APC2: variants seen among roughly 807,000 people sequenced by gnomAD.
APC2 encodes the protein APC regulator of Wnt signaling pathway 2.
A neutral mutation model predicts 72.5 loss-of-function variants in APC2; 41 were observed. The ratio of observed to expected loss-of-function variants is 0.57; its 90% CI spans 0.44 to 0.73. The LOEUF is 0.73. Among genes scored for constraint, APC2 ranks in the 30% least tolerant of loss-of-function variants. APC2 has a pLI of 0.00. For missense variants in APC2, 3,729 were observed against 3,403.4 expected (o/e 1.10, Z -2.38); for synonymous variants, 1,898 against 1,612.0 (o/e 1.18, Z -4.25).
chr19:1,463,938 G>A (rs1184012782), intron 14 of APC2, among the ~76,000 whole-genome samples: 2 of 152,208 alleles, frequency 1.3e-5, no homozygotes, highest in East Asian at 3.8e-4. Context: ...ACTTTGGGAG[G>A]CCGAGGTGGG....
chr19:1,466,953 C>T lies in APC2; in HGVS notation c.3652C>T (p.Pro1218Ser), dbSNP rs2084027600. The T allele has an allele frequency of 4.4e-6, 7 of 1,603,268 alleles. No homozygotes were observed. The highest frequency in any genetic ancestry group is 6.0e-6 in the Non-Finnish European group (7 of 1,175,438). Residue 1218 changes from proline (P) to serine (S), a missense_variant, in exon 15 of 15, where the codon CCC (proline) becomes TCC (serine). Transcript: ENST00000590469. Reference protein sequence around the residue: ...PSRSKTPPLAPAPQGPPEATQ... With the variant: ...PSRSKTPPLASAPQGPPEATQ... ...CCGGAGCAAGACGCCACCGCTGGCGCCCGCGCCACAGGGTCCCCCCGAGGC... is the reference window on the plus strand; with the variant it reads ...CCGGAGCAAGACGCCACCGCTGGCGTCCGCGCCACAGGGTCCCCCCGAGGC...
Position 1,457,032 on chromosome 19 carries a change from C to T in APC2, c.996C>T (p.Ala332=). 2 of 1,527,708 alleles carry T rather than the reference C, an allele frequency of 1.3e-6. No homozygotes were observed. The highest frequency in any genetic ancestry group is 1.7e-6 in the Non-Finnish European group (2 of 1,143,914). 94.6% of individuals were successfully genotyped at this position (1,527,708 alleles called of 1,614,324 possible). ...CCGAGGCCGCGGCCGGGGGTCGCGC[C>T]GGGGCCCCAGGGGCACCGGGCGCCA... ...HGTEAAAGGR[A]GAPGAPGAKD... The change falls in exon 9 of 15, where the codon GCC becomes GCT. Residue 332 remains alanine, a synonymous_variant. Coordinates refer to ENST00000590469, the MANE Select transcript of APC2 (RefSeq NM_005883.3).
rs111572845 is a variant in APC2 at position 1,467,777 on chromosome 19, G to T, written c.4476G>T (p.Ala1492=). The T allele has an allele frequency of 1.4e-6, 2 of 1,432,898 alleles. No homozygotes were observed. The highest frequency in any genetic ancestry group is 1.8e-6 in the Non-Finnish European group (2 of 1,098,732). The allele number at this position is 1,432,898 out of a possible 1,614,324, so 88.8% of individuals were successfully genotyped here. The change falls in exon 15 of 15, where the codon GCG becomes GCT. Residue 1492 remains alanine, a synonymous_variant. Coordinates refer to ENST00000590469, the MANE Select transcript of APC2 (RefSeq NM_005883.3). ...SKPGRTRGDG[A]LQSLCLTTPT... ...CCGGCCGGACCCGCGGGGACGGGGC[G>T]CTCCAGTCGCTGTGCCTCACGACGC... is the stretch of plus-strand genomic sequence containing the variant.
chr19:1,455,144 C>T lies in APC2; in HGVS notation c.414-5C>T, dbSNP rs769584246. ...TGAGCCCGCCCCCGCTGACTTGCTC[C>T]CCAGGTGTTTCCTGCTGAATGAGAT... On this transcript the variant is annotated splice_region_variant and splice_polypyrimidine_tract_variant and intron_variant, in intron 4 of 14. Transcript: ENST00000590469. 1.9e-6 allele frequency: 3 copies of T among 1,566,470 alleles called. No homozygotes were observed. The highest frequency in any genetic ancestry group is 1.7e-6 in the Non-Finnish European group (2 of 1,165,200).
rs117475551 is a variant in APC2, at chr19:1,453,979, C to T, written c.413+368C>T. Among the ~76,000 whole-genome samples the T allele has an allele frequency of 4.6e-3, 698 of 152,286 alleles. 2 individuals are homozygous for T. Among genetic ancestry groups the T allele is most frequent in the Middle Eastern group, 0.01 (3 of 294 alleles). On this transcript the variant is annotated intron_variant, in intron 4 of 14. Coordinates refer to ENST00000590469, the MANE Select transcript of APC2 (RefSeq NM_005883.3). Reference sequence around the variant, plus strand: ...GCCTGGAGCCAGGCGGGCTCAAAGCCGTCTTTGTAGAGAGCTGTGGCCCAA... The same window carrying T: ...GCCTGGAGCCAGGCGGGCTCAAAGCTGTCTTTGTAGAGAGCTGTGGCCCAA...
At chr19:1,460,905 C>G in intron 12 of APC2, 48 bp downstream of exon 12, 3 of 1,605,610 alleles carry the variant, frequency 1.9e-6, no homozygotes, top group Admixed American at 3.3e-5. Context: ...CCCTGATAGG[C>G]AGAGGCCCCT....
rs760526553 is a variant in APC2 at position 1,456,270 on chromosome 19, G to C, written c.718-36G>C. 1.6e-5 allele frequency: 26 copies of C among 1,583,790 alleles called. No individual in the cohort carries two copies. The East Asian group carries it at 5.3e-4, about 32-fold the overall frequency. ...CACGGGTGAGCAGACTGGGTGCTCT[G>C]GGACTGTACCCCCGACCCTGGTGCT... On this transcript the variant is annotated intron_variant, in intron 7 of 14. Transcript: ENST00000590469.
In APC2 at chr19:1,467,613, G is replaced by A. The variant is rs986278369; in HGVS notation, c.4312G>A (p.Ala1438Thr). ...PTGRPTSARQ[A>T]MGHRHKAGGA... ...CGGCCGCCCCACCTCTGCCAGACAG[G>A]CCATGGGGCACCGGCACAAGGCGGG... Residue 1438 changes from alanine (A) to threonine (T), a missense_variant, in exon 15 of 15, where the codon GCC becomes ACC. Physicochemically the swap from Ala to Thr is moderately conservative, Grantham distance 58. Transcript: ENST00000590469. 4.7e-5 allele frequency: 71 copies of A among 1,498,956 alleles called. No individual in the cohort carries two copies. The highest frequency in any genetic ancestry group is 1.7e-4 in the Admixed American group (8 of 46,126). 92.9% of individuals were successfully genotyped at this position (1,498,956 alleles called of 1,614,324 possible).
At position 1,453,289 on chromosome 19, in the gene APC2, C is replaced by T. The variant is rs780984007; in HGVS notation, c.184C>T (p.Arg62Ter). 6 of 1,581,522 alleles carry T rather than the reference C, an allele frequency of 3.8e-6. No individual in the cohort carries two copies. The highest frequency in any genetic ancestry group is 5.2e-6 in the Non-Finnish European group (6 of 1,163,668). Residue 62 changes from arginine to a stop codon, truncating the protein, a stop_gained, in exon 3 of 15, where the codon CGA (arginine) becomes TGA (stop). Transcript: ENST00000590469. LOFTEE classifies it high-confidence loss of function. The part of the protein sequence containing the change: ...HLQGKLEQEA[R>*]VLVSSGQTEV... The stretch of plus-strand genomic sequence containing the variant: ...ACAGGGAAAACTGGAGCAGGAGGCC[C>T]GAGTGCTGGTGTCCTCGGGGCAGAC...
intron 7 of APC2, 25 bp from the exon 8 acceptor site, chr19:1,456,281 C>T (rs757367544): frequency 1.3e-6 from 2 of 1,594,404 alleles, no homozygotes; most frequent in South Asian, 2.3e-5. Context: ...GGACTGTACC[C>T]CCGACCCTGG....
Position 1,468,869 on chromosome 19 carries a change from C to G in APC2, c.5568C>G (p.Ser1856Arg). 3 of 1,542,384 alleles carry G rather than the reference C, an allele frequency of 1.9e-6. No individual in the cohort carries two copies. The highest frequency in any genetic ancestry group is 2.6e-6 in the Non-Finnish European group (3 of 1,151,754). The change falls in exon 15 of 15, where the codon AGC (serine) becomes AGG (arginine). Residue 1856 changes from serine to arginine, a missense_variant. Ser to Arg is a moderately radical substitution (Grantham distance 110). Transcript: ENST00000590469. ...AGACCTCGGAGCTGGCGACGCTGAGCCAGCCCCCCAGAAGCGCCACACCGC... is the reference window on the plus strand; with the variant it reads ...AGACCTCGGAGCTGGCGACGCTGAGGCAGCCCCCCAGAAGCGCCACACCGC... ...PAKTSELATL[S>R]QPPRSATPPA...
rs781332940 is a variant in APC2, at chr19:1,466,872, G to C, written c.3571G>C (p.Gly1191Arg). 1.3e-6 allele frequency: 2 copies of C among 1,565,562 alleles called. No homozygotes were observed. Among genetic ancestry groups the C allele is most frequent in the Non-Finnish European group, 1.7e-6 (2 of 1,156,580 alleles). Residue 1191 changes from glycine to arginine, a missense_variant, in exon 15 of 15, where the codon GGC becomes CGC. Transcript: ENST00000590469. ...TGAACCTTGCAGCGGGCAGGGCAGC[G>C]GCACCATCAGCCCTAGCGAGCTGCC... is the stretch of plus-strand genomic sequence containing the variant. ...PSEPCSGQGS[G>R]TISPSELPDS...
At position 1,455,388 on chromosome 19, in the gene APC2, T is replaced by C; in HGVS notation, c.527T>C (p.Phe176Ser). 1 of 1,608,880 alleles carries C rather than the reference T, an allele frequency of 6.2e-7. No homozygotes were observed. Residue 176 changes from phenylalanine (F) to serine (S), a missense_variant, in exon 6 of 15, where the codon TTC becomes TCC. Coordinates refer to ENST00000590469, the MANE Select transcript of APC2 (RefSeq NM_005883.3). ...LDELPHVETQ[F>S]SMQMDLIRQQ... ...CCGCCCGCCTGCCTTTGCCAGCAGT[T>C]CTCGATGCAGATGGACCTGATCCGG... is the stretch of plus-strand genomic sequence containing the variant.
upstream of APC2, chr19:1,450,117 G>T (rs2083725479): frequency 2.0e-6 from 2 of 983,976 alleles, no homozygotes; most frequent in Non-Finnish European, 2.4e-6. Context: ...ATCCTCCCCC[G>T]CTCGCGGTGG....
chr19:1,455,614 C>G, intron 6 of APC2, 114 bp downstream of exon 6: 1 of 1,058,528 alleles, frequency 9.4e-7, no homozygotes, highest in African/African-American at 1.6e-5. Context: ...CTTATGCCTC[C>G]TGGGTTGGGG....
intron 10 of APC2, 68 bp from the exon 11 acceptor site, chr19:1,460,113 T>A: frequency 1.9e-6 from 3 of 1,600,678 alleles, no homozygotes; most frequent in Non-Finnish European, 2.6e-6. Flanking sequence ...GGCAAGGGAG[T>A]GAGGTGGGGC....
chr19:1,460,236 G>C lies in APC2; in HGVS notation c.1359G>C (p.Met453Ile). 6.2e-7 allele frequency: 1 copy of C among 1,613,560 alleles called. No individual in the cohort carries two copies. The highest frequency in any genetic ancestry group is 8.5e-7 in the Non-Finnish European group (1 of 1,180,010). The change falls in exon 11 of 15, where the codon ATG (methionine) becomes ATC (isoleucine). Residue 453 changes from methionine to isoleucine, a missense_variant. By Grantham distance (10) the Met-to-Ile change is conservative (BLOSUM62 1). Coordinates refer to ENST00000590469, the MANE Select transcript of APC2 (RefSeq NM_005883.3). Reference protein sequence around the residue: ...LLQVDYEMHKMTRDPLNLALR... With the variant: ...LLQVDYEMHKITRDPLNLALR... ...AGGTTGACTATGAGATGCACAAGAT[G>C]ACCCGGGACCCGCTGAACCTGGCGC...
In APC2 at chr19:1,466,097, C is replaced by T. The variant is rs772655197; in HGVS notation, c.2796C>T (p.Ala932=). 4.5e-6 allele frequency: 7 copies of T among 1,540,318 alleles called. No homozygotes were observed. The highest frequency in any genetic ancestry group is 4.8e-5 in the East Asian group (2 of 41,386). ...LSNDSLNSGS[A]SDGYCPREHM... ...ACGACAGCCTCAACAGCGGCAGTGC[C>T]AGCGACGGGTACTGCCCACGCGAAC... Residue 932 remains alanine, a synonymous_variant, in exon 15 of 15, where the codon GCC becomes GCT. Coordinates refer to ENST00000590469, the MANE Select transcript of APC2 (RefSeq NM_005883.3).
rs547498654 is a variant in APC2 at position 1,468,047 on chromosome 19, C to A, written c.4746C>A (p.Ser1582=). ...ETPPCYSLSS[S]ASSLSEPEPS... ...CGCCCTGCTACTCCCTGAGCTCCTCCGCCAGCTCCCTCAGCGAGCCCGAGC... is the reference window on the plus strand; with the variant it reads ...CGCCCTGCTACTCCCTGAGCTCCTCAGCCAGCTCCCTCAGCGAGCCCGAGC... The change falls in exon 15 of 15, where the codon TCC becomes TCA. Residue 1582 remains serine (S), a synonymous_variant. Transcript: ENST00000590469. 1 of 1,578,518 alleles carries A rather than the reference C, an allele frequency of 6.3e-7. No individual in the cohort carries two copies. The highest frequency in any genetic ancestry group is 1.4e-5 in the African/African-American group (1 of 71,956).
Sources: gnomAD v4.1 joint callset for allele counts (sites outside exome capture counted in the v4.1 genomes callset) on GRCh38, gnomAD v4.1.1 for gene constraint, MANE v1.5 for transcripts, NCBI Gene and HGNC (gene_info 2026-07-23, HGNC 2026-07-21) for gene names.